CSMD2: variants seen among roughly 807,000 people sequenced by gnomAD.
CSMD2 encodes CUB and sushi domain-containing protein 2.
CSMD2 carries 130 observed loss-of-function variants against 398.5 expected under a neutral mutation model. That is an observed-to-expected ratio of 0.33 (90% CI 0.28 to 0.38). The LOEUF (loss-of-function observed/expected upper bound fraction) is 0.38. Ranked by LOEUF, CSMD2 falls within the 10% of genes least tolerant of loss-of-function variation. The pLI is 1.00. For synonymous variants in CSMD2, 1,828 were observed against 1,908.5 expected (o/e 0.96, Z 1.10); for missense variants, 3,829 against 4,764.9 (o/e 0.80, Z 5.78).
chr1:34,001,555 C>G (rs1646903103), intron 3 of CSMD2, among the ~76,000 whole-genome samples: 2 of 152,196 alleles, frequency 1.3e-5, no homozygotes, highest in South Asian at 4.1e-4. Flanking sequence ...ATTTAGACAA[C>G]AGGTGGACAT....
chr1:33,538,911 G>T (rs1436510156), intron 60 of CSMD2, among the ~76,000 whole-genome samples: 1 of 152,162 alleles, frequency 6.6e-6, no homozygotes, highest in African/African-American at 2.4e-5. Flanking sequence ...AAGAAGGGAG[G>T]CATGACTGCC....
intron 3 of CSMD2, among the ~76,000 whole-genome samples, chr1:34,023,565 G>A (rs933368115): frequency 8.5e-5 from 13 of 152,164 alleles, no homozygotes; most frequent in African/African-American, 2.9e-4. Context: ...AAAAAAGTAA[G>A]TGATAGTTCT....
chr1:33,527,092 C>T lies in CSMD2; in HGVS notation c.10234+104G>A, dbSNP rs1654843399. On this transcript the variant is annotated intron_variant, in intron 65 of 70. Coordinates refer to ENST00000373381, the MANE Select transcript of CSMD2 (RefSeq NM_001281956.2). ...CAGATTTATAGATAGTTTTCATGCCCTTCCTCTAGGCACTCAGCAACTCTC... is the reference window on the plus strand; with the variant it reads ...CAGATTTATAGATAGTTTTCATGCCTTTCCTCTAGGCACTCAGCAACTCTC... 7 of 1,041,372 alleles carry T rather than the reference C, an allele frequency of 6.7e-6. No homozygotes were observed. In the Admixed American group the frequency reaches 1.0e-4, roughly 15 times the overall value. The allele number at this position is 1,041,372 out of a possible 1,614,324, so 64.5% of individuals were successfully genotyped here.
chr1:33,741,403 TC>T (rs1160133320), intron 14 of CSMD2, among the ~76,000 whole-genome samples: 1 of 152,192 alleles, frequency 6.6e-6, no homozygotes, highest in Non-Finnish European at 1.5e-5. Flanking sequence ...CTGCATCCGA[TC>T]GCCTCAGAAG....
chr1:33,869,338 G>T (rs1640280121), intron 5 of CSMD2: 1 of 152,192 alleles, frequency 6.6e-6, no homozygotes, highest in African/African-American at 2.4e-5. Context: ...CCTCCACTTG[G>T]TATTCCTTGG....
chr1:33,693,741 T>C (rs1645321777), intron 24 of CSMD2, among the ~76,000 whole-genome samples: 2 of 152,154 alleles, frequency 1.3e-5, no homozygotes, highest in Non-Finnish European at 2.9e-5. Context: ...AGCCATACAA[T>C]GGAATAGTAT....
At chr1:33,545,202 C>A (rs1656762044) in intron 57 of CSMD2, among the ~76,000 whole-genome samples, 1 of 152,110 alleles carries the variant, frequency 6.6e-6, no homozygotes, top group Admixed American at 6.5e-5. Context: ...TAGGAGAGTA[C>A]TATGCAAGCT....
chr1:34,096,231 C>G (rs1659283332), intron 1 of CSMD2, among the ~76,000 whole-genome samples: 1 of 151,968 alleles, frequency 6.6e-6, no homozygotes. Flanking sequence ...TAAAAACTTT[C>G]AATAAATTAG....
chr1:33,810,659 T>C, intron 10 of CSMD2, 84 bp downstream of exon 10: 2 of 1,389,778 alleles, frequency 1.4e-6, no homozygotes, highest in East Asian at 2.4e-5. Flanking sequence ...ATCAGTAAGT[T>C]CTGGGTTTGA....
chr1:33,593,273 G>A (rs1271620071), intron 44 of CSMD2, among the ~76,000 whole-genome samples: 1 of 152,156 alleles, frequency 6.6e-6, no homozygotes, highest in Non-Finnish European at 1.5e-5. Context: ...TTTAAACTGT[G>A]TCACATTGTC....
intron 1 of CSMD2, chr1:34,113,055 A>T (rs1014017512): frequency 6.6e-6 from 1 of 152,266 alleles, no homozygotes; most frequent in Non-Finnish European, 1.5e-5. Context: ...AAAAAGAAGG[A>T]CATGGATGGG....
intron 25 of CSMD2, among the ~76,000 whole-genome samples, chr1:33,676,624 G>A (rs1435129809): frequency 6.6e-6 from 1 of 152,082 alleles, no homozygotes; most frequent in Non-Finnish European, 1.5e-5. Flanking sequence ...AAGTTCATAT[G>A]GCATCAAAAA....
At chr1:33,578,146 G>C (rs1413165309) in intron 48 of CSMD2, among the ~76,000 whole-genome samples, 1 of 152,012 alleles carries the variant, frequency 6.6e-6, no homozygotes, top group Admixed American at 6.5e-5. Flanking sequence ...TGGCAACCTG[G>C]GACACACATT....
chr1:33,700,166 G>A (rs545931474), intron 23 of CSMD2, among the ~76,000 whole-genome samples: 8 of 152,098 alleles, frequency 5.3e-5, no homozygotes, highest in Non-Finnish European at 1.0e-4. Flanking sequence ...CCGCCACCAC[G>A]CCCAGCTAAT....
chr1:33,756,318 C>T (rs1170944324), intron 13 of CSMD2, among the ~76,000 whole-genome samples: 7 of 152,140 alleles, frequency 4.6e-5, no homozygotes, highest in African/African-American at 1.2e-4. Context: ...GATGGAGTGA[C>T]GGAGCACCTG....
chr1:33,628,060 C>G (rs376263047), intron 32 of CSMD2, among the ~76,000 whole-genome samples: 2 of 152,188 alleles, frequency 1.3e-5, no homozygotes, highest in African/African-American at 4.8e-5. Flanking sequence ...ACAGGCAAAA[C>G]TCTCAGCAGA....
intron 21 of CSMD2, 162 bp from the exon 22 acceptor site, chr1:33,709,420 C>T (rs1557767978): frequency 1.7e-6 from 1 of 575,708 alleles, no homozygotes; most frequent in East Asian, 2.9e-5. Flanking sequence ...TACAGAAATG[C>T]CTCTCAAACT....
At chr1:33,795,820 C>T (rs1281434402) in intron 10 of CSMD2, among the ~76,000 whole-genome samples, 1 of 152,226 alleles carries the variant, frequency 6.6e-6, no homozygotes, top group African/African-American at 2.4e-5. Context: ...AGGCCCATGC[C>T]AGGGGCTGAA....
chr1:33,824,960 T>C (rs1221540242), intron 7 of CSMD2, among the ~76,000 whole-genome samples: 1 of 152,116 alleles, frequency 6.6e-6, no homozygotes, highest in African/African-American at 2.4e-5. Context: ...CCCAGTCTTG[T>C]GGAGGTGCCC....
Sources: gnomAD v4.1 joint callset for allele counts (sites outside exome capture counted in the v4.1 genomes callset) on GRCh38, gnomAD v4.1.1 for gene constraint, MANE v1.5 for transcripts, NCBI Gene and HGNC (gene_info 2026-07-23, HGNC 2026-07-21) for gene names.